MALRD1: variants seen among roughly 807,000 people sequenced by gnomAD.
The protein encoded by MALRD1 is MAM and LDL-receptor class A domain-containing protein 1.
MALRD1 carries 247 observed loss-of-function variants against 242.1 expected under a neutral mutation model. That is an observed-to-expected ratio of 1.02 (90% CI 0.92 to 1.13). The LOEUF (loss-of-function observed/expected upper bound fraction) is 1.13. Ranked by LOEUF, MALRD1 falls within the 50% of genes most tolerant of loss-of-function variation. The pLI, the probability that MALRD1 is intolerant of heterozygous loss-of-function variation, is 0.00. For synonymous variants in MALRD1, 995 were observed against 866.6 expected (o/e 1.15, Z -2.60); for missense variants, 2,989 against 2,533.1 (o/e 1.18, Z -3.86).
chr10:19,631,950 T>C (rs1304129858), intron 36 of MALRD1, among the ~76,000 whole-genome samples: 1 of 152,202 alleles, frequency 6.6e-6, no homozygotes, highest in African/African-American at 2.4e-5. Context: ...TTTACTCTGT[T>C]GATAGTTTCT....
At chr10:19,510,606 A>G (rs1053648889) in intron 31 of MALRD1, among the ~76,000 whole-genome samples, 1 of 152,258 alleles carries the variant, frequency 6.6e-6, no homozygotes, top group Admixed American at 6.5e-5. Flanking sequence ...TCGACACAGC[A>G]CATGTTTCTG....
At chr10:19,516,635 T>TTCC (rs893200096) in intron 31 of MALRD1, among the ~76,000 whole-genome samples, 14 of 151,672 alleles carry the variant, frequency 9.2e-5, no homozygotes, top group Non-Finnish European at 1.9e-4. Flanking sequence ...GCTCCTCCTC[T>TTCC]TCCTCCTCCT....
At chr10:19,360,172 A>G (rs1006158994) in intron 26 of MALRD1, among the ~76,000 whole-genome samples, 1 of 152,104 alleles carries the variant, frequency 6.6e-6, no homozygotes, top group Non-Finnish European at 1.5e-5. Context: ...CTAAAAGTAT[A>G]TGAGTAGGGG....
chr10:19,550,399 CAT>C (rs1271317556), intron 32 of MALRD1, among the ~76,000 whole-genome samples: 1 of 152,034 alleles, frequency 6.6e-6, no homozygotes, highest in Non-Finnish European at 1.5e-5. Flanking sequence ...CATAGATAAA[CAT>C]GTGTCTTGGT....
chr10:19,428,681 C>CA (rs1349641259), intron 28 of MALRD1, among the ~76,000 whole-genome samples: 3 of 147,194 alleles, frequency 2.0e-5, no homozygotes, highest in Admixed American at 6.7e-5. Flanking sequence ...TTTGAAATGT[C>CA]AAAAATTTGA....
At chr10:19,469,306 T>C (rs375993591) in intron 29 of MALRD1, among the ~76,000 whole-genome samples, 1 of 152,280 alleles carries the variant, frequency 6.6e-6, no homozygotes, top group East Asian at 1.9e-4. Flanking sequence ...TACATACTTT[T>C]CTCTTCTGCT....
chr10:19,560,924 G>T (rs1000973477), intron 32 of MALRD1, among the ~76,000 whole-genome samples: 2 of 152,014 alleles, frequency 1.3e-5, no homozygotes, highest in East Asian at 1.9e-4. Flanking sequence ...AAACCTGCAG[G>T]TTCTGCACAT....
chr10:19,348,146 G>A, intron 25 of MALRD1, 128 bp downstream of exon 25: 2 of 1,287,966 alleles, frequency 1.6e-6, no homozygotes, highest in South Asian at 3.2e-5. Flanking sequence ...ATTCAACTTT[G>A]GATATGTGAA....
chr10:19,100,946 A>C (rs1836228485), intron 4 of MALRD1, among the ~76,000 whole-genome samples: 1 of 152,180 alleles, frequency 6.6e-6, no homozygotes, highest in African/African-American at 2.4e-5. Context: ...TTCAGAAAGA[A>C]TAAAATGTTA....
At chr10:19,401,623 C>T (rs74844363) in intron 28 of MALRD1, among the ~76,000 whole-genome samples, 124 of 152,016 alleles carry the variant, frequency 8.2e-4, no homozygotes, top group Middle Eastern at 3.4e-3. Context: ...TTCTTTGCAG[C>T]AATGGACATA....
chr10:19,195,517 A>G (rs1836196861), intron 14 of MALRD1, among the ~76,000 whole-genome samples: 1 of 152,092 alleles, frequency 6.6e-6, no homozygotes, highest in South Asian at 2.1e-4. Context: ...CTAACTCTCT[A>G]TTAGACATCT....
chr10:19,405,122 A>G (rs1847033985), intron 28 of MALRD1, among the ~76,000 whole-genome samples: 1 of 152,180 alleles, frequency 6.6e-6, no homozygotes, highest in African/African-American at 2.4e-5. Context: ...TTTTGCATAT[A>G]TACACGTTAC....
At chr10:19,105,342 ATTCC>A (rs1836427084) in intron 5 of MALRD1, among the ~76,000 whole-genome samples, 1 of 151,980 alleles carries the variant, frequency 6.6e-6, no homozygotes, top group Admixed American at 6.6e-5. Flanking sequence ...ATAGGCTTTT[ATTCC>A]TTTTATAGTT....
rs71387074 is a variant in MALRD1 at position 19,393,442 on chromosome 10, A to ATTT, written c.4845+3852_4845+3854dup. On this transcript the variant is annotated intron_variant, in intron 28 of 39. Coordinates refer to ENST00000454679, the MANE Select transcript of MALRD1 (RefSeq NM_001142308.3). ...AGTCACTTGTTTCCTGATGAGGTTA[A>ATTT]TTTTTTTTTTTTTTTTTTTTTGAGA... 1.5e-3 allele frequency among the ~76,000 whole-genome samples: 160 copies of ATTT among 110,024 alleles called. 2 individuals are homozygous for ATTT. The highest frequency in any genetic ancestry group is 1.8e-3 in the Non-Finnish European group (101 of 57,488). The allele number at this position is 110,024 out of a possible 152,430, so 72.2% of individuals were successfully genotyped here.
chr10:19,428,184 A>G (rs1191685442), intron 28 of MALRD1, among the ~76,000 whole-genome samples: 4 of 151,516 alleles, frequency 2.6e-5, no homozygotes, highest in African/African-American at 9.7e-5. Context: ...CAATTAGGAG[A>G]TGGGTGGATG....
intron 22 of MALRD1, among the ~76,000 whole-genome samples, chr10:19,325,113 T>TG (rs1413436313): frequency 6.6e-6 from 1 of 150,692 alleles, no homozygotes; most frequent in Non-Finnish European, 1.5e-5. Flanking sequence ...TGATTCATGT[T>TG]GGAAAAAAAA....
chr10:19,103,477 C>T (rs549097833), intron 4 of MALRD1, among the ~76,000 whole-genome samples: 1 of 145,896 alleles, frequency 6.9e-6, no homozygotes, highest in Non-Finnish European at 1.5e-5. Flanking sequence ...AGGAGAATGG[C>T]ATGAATGTGG....
chr10:19,143,563 A>G (rs1328666744), intron 10 of MALRD1, among the ~76,000 whole-genome samples: 1 of 152,214 alleles, frequency 6.6e-6, no homozygotes, highest in African/African-American at 2.4e-5. Flanking sequence ...TAATTATTAT[A>G]CTAGGACAAC....
At chr10:19,725,169 G>A (rs544508389) in intron 38 of MALRD1, among the ~76,000 whole-genome samples, 1 of 152,244 alleles carries the variant, frequency 6.6e-6, no homozygotes, top group East Asian at 1.9e-4. Context: ...CATATGGTTT[G>A]GCTCCATGTC....
Sources: allele counts gnomAD v4.1 joint callset (sites outside exome capture counted in the v4.1 genomes callset), GRCh38; gene constraint gnomAD v4.1.1; transcripts MANE v1.5; gene names NCBI Gene and HGNC (gene_info 2026-07-23, HGNC 2026-07-21).